NAA16: variants seen among roughly 807,000 people sequenced by gnomAD.
The protein encoded by NAA16 is N-alpha-acetyltransferase 16, NatA auxiliary subunit.
Under a neutral mutation model 110.3 loss-of-function variants are expected in NAA16, and 97 were observed. That is an observed-to-expected ratio of 0.88 (90% CI 0.75 to 1.04). The LOEUF (loss-of-function observed/expected upper bound fraction) is 1.04. NAA16 is among the 50% of genes least tolerant of loss of function. The probability of loss-of-function intolerance (pLI) is 0.00; values close to 1 mark genes in which losing one functional copy is unlikely to be tolerated. For synonymous variants in NAA16, 372 were observed against 330.6 expected (o/e 1.13, Z -1.36); for missense variants, 1,017 against 1,005.1 (o/e 1.01, Z -0.16).
chr13:41,374,929 A>G (rs1358336256), intron 19 of NAA16, 90 bp downstream of exon 19: 3 of 740,318 alleles, frequency 4.1e-6, no homozygotes, highest in Admixed American at 4.9e-5. Context: ...GGCCTTCAGA[A>G]TTATGCCTGG....
In NAA16 at chr13:41,375,511, C is replaced by G. The variant is rs1395963430; in HGVS notation, c.2504C>G (p.Ser835Cys). The G allele has an allele frequency of 6.2e-7, 1 of 1,614,058 alleles. No individual in the cohort carries two copies. Among genetic ancestry groups the G allele is most frequent in the Admixed American group, 1.7e-5 (1 of 60,006 alleles). The change falls in exon 20 of 20, where the codon TCT becomes TGT. Residue 835 changes from serine to cysteine, a missense_variant. Transcript: ENST00000379406. ...TGTCATAACCTGCTTCCTTTTACAT[C>G]TGCCTTCTTGCCTGCTGTGAATGAA... ...MACHNLLPFTSAFLPAVNEVD... is the reference protein window; with the variant it reads ...MACHNLLPFTCAFLPAVNEVD...
intron 3 of NAA16, among the ~76,000 whole-genome samples, chr13:41,319,470 A>G (rs1202291531): frequency 6.6e-6 from 1 of 152,110 alleles, no homozygotes; most frequent in African/African-American, 2.4e-5. Context: ...TTTGATCTTT[A>G]TAATTGTGTT....
At chr13:41,350,597 GTTTTTTTTTGTTT>G (rs1443694884) in intron 9 of NAA16, among the ~76,000 whole-genome samples, 3 of 26,184 alleles carry the variant, frequency 1.1e-4, no homozygotes, top group African/African-American at 4.7e-4. Flanking sequence ...CGCCCTGCCA[GTTTTTTTTTGTTT>G]TTTTTTTTTG....
At chr13:41,319,733 T>C (rs1217068379) in intron 3 of NAA16, among the ~76,000 whole-genome samples, 2 of 151,930 alleles carry the variant, frequency 1.3e-5, no homozygotes, top group Non-Finnish European at 2.9e-5. Context: ...GTCAGGCTGA[T>C]CTCGAACTCC....
chr13:41,333,899 C>G (rs1253548307), intron 8 of NAA16, among the ~76,000 whole-genome samples: 2 of 151,728 alleles, frequency 1.3e-5, no homozygotes, highest in Admixed American at 1.3e-4. Flanking sequence ...CCTAGACTCT[C>G]TAGGACATGC....
chr13:41,351,631 A>G (rs767229448), intron 9 of NAA16, among the ~76,000 whole-genome samples: 2 of 152,254 alleles, frequency 1.3e-5, no homozygotes, highest in Non-Finnish European at 2.9e-5. Context: ...TTAGGAAATT[A>G]TAACAGTTAT....
chr13:41,347,554 T>C (rs1593479991), intron 9 of NAA16, among the ~76,000 whole-genome samples: 1 of 152,076 alleles, frequency 6.6e-6, no homozygotes, highest in Non-Finnish European at 1.5e-5. Context: ...GTACAAGTCT[T>C]GTGCATCTTA....
At chr13:41,339,876 TA>T (rs2042489648) in intron 9 of NAA16, among the ~76,000 whole-genome samples, 1 of 152,166 alleles carries the variant, frequency 6.6e-6, no homozygotes, top group Non-Finnish European at 1.5e-5. Flanking sequence ...ATAAGGTTTT[TA>T]AAAACATAGG....
intron 9 of NAA16, among the ~76,000 whole-genome samples, chr13:41,348,168 A>G (rs2042733563): frequency 6.6e-6 from 1 of 151,082 alleles, no homozygotes; most frequent in Non-Finnish European, 1.5e-5. Flanking sequence ...TGTTAAACCA[A>G]TTTTTATTTT....
intron 9 of NAA16, among the ~76,000 whole-genome samples, chr13:41,345,859 C>G (rs2042667796): frequency 6.6e-6 from 1 of 152,254 alleles, no homozygotes; most frequent in Non-Finnish European, 1.5e-5. Context: ...CAGGCGTGAG[C>G]CAGCACGCCG....
Position 41,375,666 on chromosome 13 carries a change from G to T in NAA16, c.*64G>T. 5.4e-6 allele frequency: 7 copies of T among 1,295,232 alleles called. No homozygotes were observed. The highest frequency in any genetic ancestry group is 1.6e-5 in the South Asian group (1 of 63,640). 80.2% of individuals were successfully genotyped at this position (1,295,232 alleles called of 1,614,324 possible). On this transcript the variant is annotated 3_prime_UTR_variant, in exon 20 of 20. Transcript: ENST00000379406. ...AATTGAGATCAGGGTTTCTTTTCCA[G>T]GGTGCATTTTAATATACGTATGAAA...
At position 41,320,677 on chromosome 13, in the gene NAA16, A is replaced by G. The variant is rs1593413385; in HGVS notation, c.255A>G (p.Val85=). The G allele has an allele frequency of 1.2e-6, 2 of 1,608,842 alleles. No homozygotes were observed. The highest frequency in any genetic ancestry group is 8.5e-7 in the Non-Finnish European group (1 of 1,178,520). ...NDVKSHVCWH[V]YGLLQRSDKK... ...TCCTTAACTTAATAGGTTGGCATGTATATGGACTCTTGCAGCGTTCTGATA... is the reference window on the plus strand; with the variant it reads ...TCCTTAACTTAATAGGTTGGCATGTGTATGGACTCTTGCAGCGTTCTGATA... The change falls in exon 4 of 20, where the codon GTA becomes GTG. Residue 85 remains valine, a synonymous_variant. Transcript: ENST00000379406.
At chr13:41,354,008 G>A (rs1020498090) in intron 9 of NAA16, among the ~76,000 whole-genome samples, 1 of 152,194 alleles carries the variant, frequency 6.6e-6, no homozygotes, top group Admixed American at 6.5e-5. Flanking sequence ...CATTGAGTAT[G>A]TGGTGTCTGT....
At chr13:41,345,601 A>G (rs1436024779) in intron 9 of NAA16, among the ~76,000 whole-genome samples, 1 of 151,712 alleles carries the variant, frequency 6.6e-6, no homozygotes, top group Non-Finnish European at 1.5e-5. Flanking sequence ...TGTGTTTTTG[A>G]GGCAAGGTCT....
In NAA16 at chr13:41,367,538, A is replaced by G. The variant is rs1388027856; in HGVS notation, c.1639A>G (p.Ile547Val). 3 of 1,613,228 alleles carry G rather than the reference A, an allele frequency of 1.9e-6. No individual in the cohort carries two copies. The highest frequency in any genetic ancestry group is 2.2e-5 in the East Asian group (1 of 44,816). The change falls in exon 14 of 20, where the codon ATA becomes GTA. Residue 547 changes from isoleucine to valine, a missense_variant. By Grantham distance (29) the Ile-to-Val change is conservative. Transcript: ENST00000379406. ...TGTTGACCTTTTGAGATTAGAAGAT[A>G]TACTCAGAAGACATGCCTTTTATTT... ...AYVDLLRLED[I>V]LRRHAFYFKA...
At chr13:41,345,015 T>G (rs1264201828) in intron 9 of NAA16, among the ~76,000 whole-genome samples, 1 of 152,258 alleles carries the variant, frequency 6.6e-6, no homozygotes, top group East Asian at 1.9e-4. Context: ...CTTCTTTTAC[T>G]TAATATTTTT....
At chr13:41,340,840 C>G (rs1025009311) in intron 9 of NAA16, among the ~76,000 whole-genome samples, 1 of 151,754 alleles carries the variant, frequency 6.6e-6, no homozygotes, top group Non-Finnish European at 1.5e-5. Flanking sequence ...CCGTGCCCGG[C>G]TAATTTTTTT....
chr13:41,364,278 A>G (rs1009986878), intron 13 of NAA16, among the ~76,000 whole-genome samples: 9 of 152,152 alleles, frequency 5.9e-5, no homozygotes, highest in African/African-American at 2.2e-4. Context: ...AAGTCATTCA[A>G]GAGTTCTTTT....
At chr13:41,337,344 C>G (rs1285386053) in intron 9 of NAA16, among the ~76,000 whole-genome samples, 1 of 152,028 alleles carries the variant, frequency 6.6e-6, no homozygotes, top group Non-Finnish European at 1.5e-5. Flanking sequence ...GAAATTGAGA[C>G]TATCCTGGCG....
Sources: gnomAD v4.1 joint callset for allele counts (sites outside exome capture counted in the v4.1 genomes callset) on GRCh38, gnomAD v4.1.1 for gene constraint, MANE v1.5 for transcripts, NCBI Gene and HGNC (gene_info 2026-07-23, HGNC 2026-07-21) for gene names.